Variants in PRKG1 observed in about 807,000 individuals in gnomAD.
PRKG1 encodes the protein cGMP-dependent protein kinase 1.
PRKG1 carries 35 observed loss-of-function variants against 88.1 expected under a neutral mutation model. The observed-to-expected ratio is 0.40, with a 90% CI of 0.30 to 0.53. The LOEUF is 0.53. PRKG1 is among the 20% of genes least tolerant of loss of function. The pLI is 0.59. For synonymous variants in PRKG1, 303 were observed against 292.5 expected (o/e 1.04, Z -0.37); for missense variants, 540 against 839.8 (o/e 0.64, Z 4.41).
rs61638409 is a variant in PRKG1 at position 52,204,730 on chromosome 10, T to C, written c.1076+42767T>C. ...GCCTTGGGACCCTGTGATGATTGCA[T>C]GCACAAATTGTGCACGCAAATTGTG... On this transcript the variant is annotated intron_variant, in intron 9 of 17. Coordinates refer to ENST00000373980, the MANE Select transcript of PRKG1 (RefSeq NM_006258.4). Among the ~76,000 whole-genome samples, 365 of 152,286 alleles carry C rather than the reference T, an allele frequency of 2.4e-3. 1 individual carries two copies. Among genetic ancestry groups the C allele is most frequent in the African/African-American group, 8.4e-3 (350 of 41,576 alleles).
chr10:51,074,419 C>G (rs1843891343), upstream of PRKG1: 1 of 1,442,154 alleles, frequency 6.9e-7, no homozygotes, highest in African/African-American at 1.4e-5. Context: ...CTCTGGGTGG[C>G]TGGAGCCGGC....
At chr10:51,422,300 G>A (rs1838439342) in intron 2 of PRKG1, among the ~76,000 whole-genome samples, 1 of 152,234 alleles carries the variant, frequency 6.6e-6, no homozygotes, top group Admixed American at 6.5e-5. Flanking sequence ...GGATGGCACT[G>A]TGAGGTTTCT....
At chr10:51,666,946 C>A (rs1357136995) in intron 3 of PRKG1, among the ~76,000 whole-genome samples, 2 of 152,066 alleles carry the variant, frequency 1.3e-5, no homozygotes, top group East Asian at 3.9e-4. Flanking sequence ...AGGTGCCTAC[C>A]ACTAAGCCTG....
intron 7 of PRKG1, among the ~76,000 whole-genome samples, chr10:52,132,710 T>A (rs1409089987): frequency 6.6e-6 from 1 of 152,120 alleles, no homozygotes; most frequent in Non-Finnish European, 1.5e-5. Context: ...TAATTATTAA[T>A]TAACTTAGAA....
At chr10:51,435,433 T>TATATATATGTCATATGAC (rs1237186870) in intron 2 of PRKG1, among the ~76,000 whole-genome samples, 5 of 151,664 alleles carry the variant, frequency 3.3e-5, no homozygotes, top group Non-Finnish European at 7.4e-5. Flanking sequence ...GACATATATA[T>TATATATATGTCATATGAC]ATATATATAT....
chr10:51,434,282 A>G (rs1459280482), intron 2 of PRKG1, among the ~76,000 whole-genome samples: 1 of 152,100 alleles, frequency 6.6e-6, no homozygotes, highest in African/African-American at 2.4e-5. Context: ...TGCTGCCATC[A>G]GTTACTGTAT....
chr10:51,735,860 T>TATAC, intron 3 of PRKG1, among the ~76,000 whole-genome samples: 1 of 85,692 alleles, frequency 1.2e-5, no homozygotes, highest in Admixed American at 1.1e-4. Context: ...ACTGCATATA[T>TATAC]ATATATATAT....
intron 5 of PRKG1, among the ~76,000 whole-genome samples, chr10:52,015,002 T>C (rs572186764): frequency 3.8e-4 from 58 of 152,338 alleles, no homozygotes; most frequent in African/African-American, 1.4e-3. Context: ...TGCCTGTGGC[T>C]TTTCCAAGTG....
chr10:51,200,571 A>G (rs1837888205), intron 2 of PRKG1, among the ~76,000 whole-genome samples: 1 of 152,206 alleles, frequency 6.6e-6, no homozygotes, highest in African/African-American at 2.4e-5. Flanking sequence ...GAAGGCAGGA[A>G]ACAAGTCTTA....
At chr10:51,803,719 T>G (rs942560578) in intron 3 of PRKG1, among the ~76,000 whole-genome samples, 4 of 145,858 alleles carry the variant, frequency 2.7e-5, no homozygotes, top group African/African-American at 1.1e-4. Context: ...ATTTGAATTG[T>G]TTTTTTTTAG....
intron 2 of PRKG1, among the ~76,000 whole-genome samples, chr10:51,308,268 A>G (rs1383696078): frequency 3.9e-5 from 6 of 152,152 alleles, no homozygotes; most frequent in African/African-American, 1.2e-4. Context: ...AGAGGTGCTT[A>G]AAGTGTTGAC....
intron 7 of PRKG1, among the ~76,000 whole-genome samples, chr10:52,079,715 G>A (rs576041345): frequency 1.3e-5 from 2 of 152,292 alleles, no homozygotes; most frequent in Admixed American, 1.3e-4. Flanking sequence ...GCTGGTAGAG[G>A]GGGACCAGGG....
chr10:51,146,969 AAGAATGAAATC>A (rs1399094419), intron 1 of PRKG1, among the ~76,000 whole-genome samples: 1 of 152,230 alleles, frequency 6.6e-6, no homozygotes, highest in African/African-American at 2.4e-5. Context: ...AGCCATAAAA[AAGAATGAAATC>A]CTGTCATTTG....
chr10:51,738,248 A>G (rs1467930316), intron 3 of PRKG1, among the ~76,000 whole-genome samples: 1 of 152,134 alleles, frequency 6.6e-6, no homozygotes, highest in Non-Finnish European at 1.5e-5. Context: ...TACCAGATAG[A>G]TATTACCTAG....
chr10:52,098,609 G>T (rs758576391), intron 7 of PRKG1, among the ~76,000 whole-genome samples: 2 of 152,150 alleles, frequency 1.3e-5, no homozygotes, highest in African/African-American at 4.8e-5. Context: ...TCAGGAGTTC[G>T]AGATAGATGT....
intron 7 of PRKG1, among the ~76,000 whole-genome samples, chr10:52,122,771 C>A (rs1268139410): frequency 6.6e-6 from 1 of 152,044 alleles, no homozygotes; most frequent in Non-Finnish European, 1.5e-5. Context: ...CTTATGCCAG[C>A]TATAATGGAA....
Position 51,364,263 on chromosome 10 carries a change from C to T in PRKG1, c.479-103460C>T, listed in dbSNP as rs577359218. On this transcript the variant is annotated intron_variant, in intron 2 of 17. Coordinates refer to ENST00000373980, the MANE Select transcript of PRKG1 (RefSeq NM_006258.4). ...TTTTGTAAGTGACCATTCATTTAGC[C>T]TGTCTGCTGTCTTAGGATGGGCTCT... Among the ~76,000 whole-genome samples, 17 of 152,098 alleles carry T rather than the reference C, an allele frequency of 1.1e-4. No individual in the cohort carries two copies. The South Asian group carries it at 3.3e-3, about 30-fold the overall frequency.
In PRKG1 at chr10:52,232,051, T is replaced by G. The variant is rs187111451; in HGVS notation, c.1077-19519T>G. Reference sequence around the variant, plus strand: ...AAGAAAGACCTGTAAGAATGTTGTTTCTACACTTTGGGAGGCTGAGGCTGG... The same window carrying G: ...AAGAAAGACCTGTAAGAATGTTGTTGCTACACTTTGGGAGGCTGAGGCTGG... On this transcript the variant is annotated intron_variant, in intron 9 of 17. Coordinates refer to ENST00000373980, the MANE Select transcript of PRKG1 (RefSeq NM_006258.4). Among the ~76,000 whole-genome samples the G allele has an allele frequency of 9.7e-4, 147 of 152,242 alleles. No individual in the cohort carries two copies. In the Middle Eastern group the frequency reaches 0.014, roughly 14 times the overall value.
chr10:51,909,500 T>C (rs1381475761), intron 5 of PRKG1: 1 of 151,712 alleles, frequency 6.6e-6, no homozygotes, highest in Non-Finnish European at 1.5e-5. Flanking sequence ...TACGAAGACA[T>C]ATGAGCACAA....
Sources: gnomAD v4.1 joint callset for allele counts (sites outside exome capture counted in the v4.1 genomes callset) on GRCh38, gnomAD v4.1.1 for gene constraint, MANE v1.5 for transcripts, NCBI Gene and HGNC (gene_info 2026-07-23, HGNC 2026-07-21) for gene names.